NUDT9: variants seen among roughly 807,000 people sequenced by gnomAD.
NUDT9 encodes the protein ADP-ribose pyrophosphatase.
Under a neutral mutation model 41.0 loss-of-function variants are expected in NUDT9, and 31 were observed. The ratio of observed to expected loss-of-function variants is 0.76; its 90% CI spans 0.57 to 1.02. NUDT9 has a LOEUF of 1.02. Among genes scored for constraint, NUDT9 ranks in the 50% least tolerant of loss-of-function variants. The probability of loss-of-function intolerance (pLI) is 0.00; values close to 1 mark genes in which losing one functional copy is unlikely to be tolerated. For missense variants in NUDT9, 380 were observed against 431.4 expected (o/e 0.88, Z 1.06); for synonymous variants, 146 against 147.6 (o/e 0.99, Z 0.08).
intron 1 of NUDT9, among the ~76,000 whole-genome samples, chr4:87,433,808 C>T (rs747092095): frequency 6.6e-6 from 1 of 152,024 alleles, no homozygotes; most frequent in African/African-American, 2.4e-5. Flanking sequence ...ATATGCTATC[C>T]AGTTATTTCA....
At chr4:87,428,569 A>C (rs550623123) in intron 1 of NUDT9, among the ~76,000 whole-genome samples, 2 of 152,306 alleles carry the variant, frequency 1.3e-5, no homozygotes, top group African/African-American at 4.8e-5. Context: ...GAAATGAGCT[A>C]TCAAGCCATG....
At chr4:87,446,808 A>G (rs191005429) in intron 4 of NUDT9, among the ~76,000 whole-genome samples, 3 of 152,318 alleles carry the variant, frequency 2.0e-5, no homozygotes, top group African/African-American at 4.8e-5. Context: ...TGTTTTATAT[A>G]TATATAATAA....
chr4:87,455,148 A>G (rs910955095), intron 7 of NUDT9, among the ~76,000 whole-genome samples: 2 of 152,234 alleles, frequency 1.3e-5, no homozygotes, highest in Non-Finnish European at 2.9e-5. Context: ...TGTTCCACTC[A>G]TAGTTCTTTC....
intron 4 of NUDT9, 62 bp downstream of exon 4, chr4:87,441,977 G>A: frequency 2.5e-6 from 3 of 1,187,382 alleles, no homozygotes; most frequent in Admixed American, 2.4e-5. Context: ...ATTGCAGACT[G>A]TAGCTATGTT....
At chr4:87,456,754 T>G (rs1003981427) in intron 7 of NUDT9, among the ~76,000 whole-genome samples, 3 of 151,970 alleles carry the variant, frequency 2.0e-5, no homozygotes, top group Admixed American at 1.3e-4. Context: ...GGTATGGCAG[T>G]GTGGTCTCTA....
At chr4:87,451,113 G>A (rs1271306448) in intron 5 of NUDT9, among the ~76,000 whole-genome samples, 3 of 152,194 alleles carry the variant, frequency 2.0e-5, no homozygotes, top group Non-Finnish European at 4.4e-5. Flanking sequence ...TGCATGTTAG[G>A]TAACTATCTG....
chr4:87,435,021 G>A lies in NUDT9; in HGVS notation c.148G>A (p.Val50Ile), dbSNP rs141228147. Residue 50 changes from valine to isoleucine, a missense_variant, in exon 2 of 8, where the codon GTC becomes ATC. Val to Ile is a conservative substitution (Grantham distance 29). Coordinates refer to ENST00000302174, the MANE Select transcript of NUDT9 (RefSeq NM_024047.5). ...TTCTTGGTTTCATCTTAATACCAAC[G>A]TCATGTCTGGTTCTAATGGTTCCAA... ...SSSWFHLNTN[V>I]MSGSNGSKEN... The A allele has an allele frequency of 1.4e-5, 23 of 1,613,698 alleles. No individual in the cohort carries two copies. The highest frequency in any genetic ancestry group is 1.7e-4 in the Middle Eastern group (1 of 6,060).
chr4:87,452,295 G>A (rs1429026718), intron 6 of NUDT9, among the ~76,000 whole-genome samples: 1 of 151,660 alleles, frequency 6.6e-6, no homozygotes, highest in African/African-American at 2.4e-5. Flanking sequence ...AAGCCAACAC[G>A]CCTGGCCTGT....
chr4:87,441,049 A>G (rs907299327), intron 3 of NUDT9, among the ~76,000 whole-genome samples: 1 of 152,188 alleles, frequency 6.6e-6, no homozygotes, highest in African/African-American at 2.4e-5. Context: ...CTGGGAAAAA[A>G]GAATAAAAAG....
rs769477258 is a variant in NUDT9, at chr4:87,451,698, A to G, written c.752A>G (p.Glu251Gly). The G allele has an allele frequency of 1.2e-5, 20 of 1,613,664 alleles. No individual in the cohort carries two copies. In the East Asian group the frequency reaches 2.9e-4, roughly 23 times the overall value. Residue 251 changes from glutamate to glycine, a missense_variant, in exon 6 of 8, where the codon GAA becomes GGA. By Grantham distance (98) the Glu-to-Gly change is moderately conservative. Coordinates refer to ENST00000302174, the MANE Select transcript of NUDT9 (RefSeq NM_024047.5). ...KTSAEKREIE[E>G]KLHKLFSQDH... ...AGTGCTGAGAAGAGAGAAATAGAGG[A>G]AAAGTTGCACAAACTCTTCAGCCAA... is the stretch of plus-strand genomic sequence containing the variant.
At chr4:87,449,457 A>G (rs1722614635) in intron 5 of NUDT9, among the ~76,000 whole-genome samples, 1 of 152,190 alleles carries the variant, frequency 6.6e-6, no homozygotes. Context: ...ATCTGCGTGT[A>G]ATTCTGACAC....
chr4:87,448,586 C>T (rs551687742), intron 4 of NUDT9, among the ~76,000 whole-genome samples: 2 of 152,038 alleles, frequency 1.3e-5, no homozygotes, highest in South Asian at 2.1e-4. Flanking sequence ...GGTACAGTGA[C>T]CCTTCTGCCT....
intron 4 of NUDT9, among the ~76,000 whole-genome samples, chr4:87,444,875 A>G (rs561987635): frequency 6.6e-6 from 1 of 152,198 alleles, no homozygotes; most frequent in Non-Finnish European, 1.5e-5. Context: ...CTGGCTTTCA[A>G]CTGTACTCTT....
chr4:87,424,464 G>C (rs1301973134), intron 1 of NUDT9, among the ~76,000 whole-genome samples: 10 of 152,042 alleles, frequency 6.6e-5, no homozygotes, highest in Non-Finnish European at 1.5e-4. Flanking sequence ...TCACCATCTT[G>C]GTTAGGCTGA....
chr4:87,441,006 A>G (rs1052484404), intron 3 of NUDT9, among the ~76,000 whole-genome samples: 2 of 152,170 alleles, frequency 1.3e-5, no homozygotes, highest in Non-Finnish European at 2.9e-5. Context: ...TACAAAAACA[A>G]TATAAAAATT....
chr4:87,451,443 G>A (rs1578079575), intron 5 of NUDT9, 146 bp from the exon 6 acceptor site: 8 of 569,176 alleles, frequency 1.4e-5, no homozygotes, highest in Admixed American at 3.2e-5. Flanking sequence ...AGCAACAGAT[G>A]GTTTAGAGAA....
At chr4:87,456,551 A>T (rs1722998379) in intron 7 of NUDT9, among the ~76,000 whole-genome samples, 1 of 152,166 alleles carries the variant, frequency 6.6e-6, no homozygotes, top group Non-Finnish European at 1.5e-5. Context: ...GGTAAAGCTC[A>T]CTAAAATGTA....
chr4:87,450,844 T>C (rs1293058639), intron 5 of NUDT9, among the ~76,000 whole-genome samples: 8 of 152,206 alleles, frequency 5.3e-5, no homozygotes, highest in Admixed American at 5.2e-4. Context: ...ATCTAATCAG[T>C]GTATTTTTAG....
chr4:87,423,045 C>G (rs778740500), intron 1 of NUDT9, 33 bp downstream of exon 1: 2 of 1,552,940 alleles, frequency 1.3e-6, no homozygotes, highest in East Asian at 4.6e-5. Flanking sequence ...GCTCCTTTGC[C>G]CTAGACCTTG....
Sources: allele counts gnomAD v4.1 joint callset (sites outside exome capture counted in the v4.1 genomes callset), GRCh38; gene constraint gnomAD v4.1.1; transcripts MANE v1.5; gene names NCBI Gene and HGNC (gene_info 2026-07-23, HGNC 2026-07-21).